The following RSPH14 variants were observed in gnomAD, a reference collection of about 807,000 sequenced individuals.
RSPH14 encodes rhabdoid tumor deletion region gene 1.
In RSPH14, 20 loss-of-function variants were observed where a neutral mutation model predicts 26.7. That is an observed-to-expected ratio of 0.75 (90% CI 0.53 to 1.09). The LOEUF is 1.09. Among genes scored for constraint, RSPH14 ranks in the 50% least tolerant of loss-of-function variants. The probability of loss-of-function intolerance (pLI) is 0.00; values close to 1 mark genes in which losing one functional copy is unlikely to be tolerated. For missense variants in RSPH14, 449 were observed against 457.2 expected (o/e 0.98, Z 0.16); for synonymous variants, 177 against 189.3 (o/e 0.93, Z 0.53).
At chr22:23,157,066 G>T in the RSPH14 span, among the ~76,000 whole-genome samples, 1 of 152,150 alleles carries the variant, frequency 6.6e-6, no homozygotes, top group Non-Finnish European at 1.5e-5. Context: ...CTCCACATAG[G>T]GCTCCCCTCA....
At chr22:23,175,273 C>T in the RSPH14 span, among the ~76,000 whole-genome samples, 6 of 152,166 alleles carry the variant, frequency 3.9e-5, no homozygotes, top group Non-Finnish European at 2.9e-5. Flanking sequence ...GCTGGGATTA[C>T]AGGCGTCAGC....
intron 4 of RSPH14, among the ~76,000 whole-genome samples, chr22:23,119,129 G>A (rs1013653536): frequency 6.6e-6 from 1 of 152,204 alleles, no homozygotes; most frequent in African/African-American, 2.4e-5. Context: ...GTTTTCAGTG[G>A]TGGTGATTTG....
intron 5 of RSPH14, 125 bp downstream of exon 5, chr22:23,063,777 C>T: frequency 1.2e-6 from 1 of 830,112 alleles, no homozygotes; most frequent in Non-Finnish European, 1.9e-6. Flanking sequence ...CAGCTCCCTC[C>T]TACCCCTGGG....
At chr22:23,077,153 A>G (rs2068528134) in intron 4 of RSPH14, among the ~76,000 whole-genome samples, 1 of 152,094 alleles carries the variant, frequency 6.6e-6, no homozygotes. Flanking sequence ...TGACTGGTGA[A>G]CCTCACCACT....
chr22:23,086,636 G>A (rs1036813574), intron 4 of RSPH14, among the ~76,000 whole-genome samples: 4 of 152,296 alleles, frequency 2.6e-5, no homozygotes, highest in Middle Eastern at 3.4e-3. Flanking sequence ...ACCCTCCCCG[G>A]GGCCCAGCCC....
the RSPH14 span, among the ~76,000 whole-genome samples, chr22:23,169,055 G>A: frequency 2.0e-5 from 3 of 152,176 alleles, no homozygotes; most frequent in Non-Finnish European, 2.9e-5. Flanking sequence ...AGACTCCGCT[G>A]GGATTCTCCT....
intron 4 of RSPH14, among the ~76,000 whole-genome samples, chr22:23,104,108 G>C (rs1449614349): frequency 6.6e-6 from 1 of 152,028 alleles, no homozygotes; most frequent in Non-Finnish European, 1.5e-5. Flanking sequence ...TCAAGGCTGT[G>C]GGGGAGCAGT....
intron 5 of RSPH14, among the ~76,000 whole-genome samples, chr22:23,062,262 C>A (rs1176312165): frequency 6.6e-6 from 1 of 152,218 alleles, no homozygotes; most frequent in Non-Finnish European, 1.5e-5. Context: ...GGGTGTCAAC[C>A]ACAGGGAGAC....
the RSPH14 span, chr22:23,162,823 G>A: frequency 4.5e-5 from 20 of 442,946 alleles, no homozygotes; most frequent in South Asian, 2.2e-4. Flanking sequence ...TCAGCTCAGC[G>A]ATTGCCAAAT....
At chr22:23,122,746 C>G in intron 4 of RSPH14, 1 of 310,134 alleles carries the variant, frequency 3.2e-6, no homozygotes, top group Non-Finnish European at 6.0e-6. Context: ...ATGGGGGGTC[C>G]TCGGAGCTGG....
chr22:23,096,599 A>C (rs1251181338), intron 4 of RSPH14, among the ~76,000 whole-genome samples: 1 of 152,150 alleles, frequency 6.6e-6, no homozygotes, highest in Non-Finnish European at 1.5e-5. Flanking sequence ...CAGGGTGTGG[A>C]GTGCAGGTGT....
chr22:23,172,937 G>A, the RSPH14 span, among the ~76,000 whole-genome samples: 2 of 150,550 alleles, frequency 1.3e-5, no homozygotes, highest in Admixed American at 6.6e-5. Context: ...GGTACAGAAC[G>A]AGACTGCATC....
At chr22:23,139,522 G>A (rs1446455693) in intron 2 of RSPH14, among the ~76,000 whole-genome samples, 1 of 152,260 alleles carries the variant, frequency 6.6e-6, no homozygotes, top group Non-Finnish European at 1.5e-5. Flanking sequence ...TCAGGAGGCT[G>A]AGGCAGGAGA....
At chr22:23,124,388 T>C (rs1386557485) in intron 4 of RSPH14, 5 of 469,490 alleles carry the variant, frequency 1.1e-5, no homozygotes, top group Non-Finnish European at 2.2e-5. Context: ...GGACGATCTG[T>C]CTCTCTGCTC....
chr22:23,093,291 A>G (rs2069039025), intron 4 of RSPH14, among the ~76,000 whole-genome samples: 1 of 152,152 alleles, frequency 6.6e-6, no homozygotes. Flanking sequence ...TGCACTTCTC[A>G]TCGGTGGCTG....
chr22:23,088,353 A>G (rs1746571692), intron 4 of RSPH14, among the ~76,000 whole-genome samples: 1 of 152,112 alleles, frequency 6.6e-6, no homozygotes, highest in African/African-American at 2.4e-5. Flanking sequence ...TTGTGTGAGG[A>G]AGGGCCTGTG....
At chr22:23,135,498 G>GTAAATAAATAAATAAA (rs71200835) in intron 3 of RSPH14, among the ~76,000 whole-genome samples, 5,249 of 147,024 alleles carry the variant, frequency 0.036, 129 homozygotes, top group Middle Eastern at 0.061. Context: ...TCTCAAATAA[G>GTAAATAAATAAATAAA]TAAATAAATA....
At chr22:23,084,056 G>A (rs1316749164) in intron 4 of RSPH14, among the ~76,000 whole-genome samples, 1 of 152,182 alleles carries the variant, frequency 6.6e-6, no homozygotes, top group Non-Finnish European at 1.5e-5. Flanking sequence ...GGTGAGCTAT[G>A]CAGGCGATCT....
chr22:23,060,783 G>T (rs948728341), intron 6 of RSPH14, among the ~76,000 whole-genome samples: 4 of 152,206 alleles, frequency 2.6e-5, no homozygotes, highest in African/African-American at 9.6e-5. Context: ...CCTCATCACT[G>T]CCTCCCAGGG....
Sources: gnomAD v4.1 joint callset for allele counts (sites outside exome capture counted in the v4.1 genomes callset) on GRCh38, gnomAD v4.1.1 for gene constraint, MANE v1.5 for transcripts, NCBI Gene and HGNC (gene_info 2026-07-23, HGNC 2026-07-21) for gene names.